PHF20: variants seen among roughly 807,000 people sequenced by gnomAD.
The protein encoded by PHF20 is glioma-expressed antigen 2.
PHF20 carries 23 observed loss-of-function variants against 113.5 expected under a neutral mutation model. The ratio of observed to expected loss-of-function variants is 0.20; its 90% CI spans 0.15 to 0.29. The LOEUF (loss-of-function observed/expected upper bound fraction) is 0.29, where lower values mean the gene tolerates loss of function less well. Ranked by LOEUF, PHF20 falls within the 10% of genes least tolerant of loss-of-function variation. The probability of loss-of-function intolerance (pLI) is 1.00; values close to 1 mark genes in which losing one functional copy is unlikely to be tolerated. For missense variants in PHF20, 943 were observed against 1,219.6 expected, an observed-to-expected ratio of 0.77 and a Z score of 3.38; for synonymous variants, 434 against 457.3, an observed-to-expected ratio of 0.95 and a Z score of 0.65.
intron 2 of PHF20, among the ~76,000 whole-genome samples, chr20:35,828,092 C>T (rs2042295633): frequency 6.6e-6 from 1 of 151,994 alleles, no homozygotes; most frequent in Non-Finnish European, 1.5e-5. Flanking sequence ...GGCATGATCT[C>T]GGCCCACCAC....
At chr20:35,825,782 T>C (rs569010039) in intron 2 of PHF20, among the ~76,000 whole-genome samples, 44 of 152,324 alleles carry the variant, frequency 2.9e-4, no homozygotes, top group African/African-American at 8.9e-4. Context: ...GCCTCCTGTG[T>C]AGTTGGGATT....
chr20:35,911,159 G>A, intron 10 of PHF20, among the ~76,000 whole-genome samples: 1 of 152,114 alleles, frequency 6.6e-6, no homozygotes, highest in East Asian at 1.9e-4. Context: ...TCCTGCCTCA[G>A]CCTCCCCAGT....
intron 6 of PHF20, among the ~76,000 whole-genome samples, chr20:35,868,513 G>A (rs1453707992): frequency 6.6e-6 from 1 of 152,098 alleles, no homozygotes; most frequent in South Asian, 2.1e-4. Flanking sequence ...GGCTGAGGCA[G>A]GACAATCACT....
chr20:35,927,040 A>C (rs1427613454), intron 13 of PHF20, among the ~76,000 whole-genome samples: 1 of 151,816 alleles, frequency 6.6e-6, no homozygotes, highest in Admixed American at 6.6e-5. Flanking sequence ...TCCCAGTGCA[A>C]CCCTCATTGT....
intron 3 of PHF20, among the ~76,000 whole-genome samples, chr20:35,843,433 C>T (rs2042565953): frequency 6.7e-6 from 1 of 149,096 alleles, no homozygotes; most frequent in South Asian, 2.2e-4. Flanking sequence ...GCAGGAGAAT[C>T]GCTTGAACCC....
At chr20:35,813,112 C>T (rs112038348) in intron 2 of PHF20, among the ~76,000 whole-genome samples, 7,283 of 152,064 alleles carry the variant, frequency 0.048, 213 homozygotes, top group African/African-American at 0.089. Flanking sequence ...GGACTACAGG[C>T]GCCCGCCACC....
intron 2 of PHF20, among the ~76,000 whole-genome samples, chr20:35,836,934 G>A (rs1298081498): frequency 2.6e-5 from 4 of 152,066 alleles, no homozygotes; most frequent in Admixed American, 2.6e-4. Context: ...ACTTTCAGAG[G>A]CCAAGGCCAG....
At chr20:35,833,459 G>A (rs993631773) in intron 2 of PHF20, among the ~76,000 whole-genome samples, 1 of 152,034 alleles carries the variant, frequency 6.6e-6, no homozygotes, top group Middle Eastern at 3.2e-3. Flanking sequence ...CCCATACTGG[G>A]GTATGTTTGT....
intron 11 of PHF20, 51 bp from the exon 12 acceptor site, chr20:35,913,982 G>A: frequency 2.6e-6 from 4 of 1,549,528 alleles, no homozygotes; most frequent in Non-Finnish European, 3.6e-6. Flanking sequence ...ATTCTAGAAT[G>A]CACCAGTGTT....
At chr20:35,928,166 C>T (rs938466309) in intron 14 of PHF20, among the ~76,000 whole-genome samples, 5 of 152,134 alleles carry the variant, frequency 3.3e-5, no homozygotes, top group Admixed American at 3.3e-4. Context: ...AGGCCGGGCG[C>T]AGTGGCTCAC....
intron 2 of PHF20, among the ~76,000 whole-genome samples, chr20:35,838,993 C>CAA (rs796705349): frequency 1.6e-4 from 14 of 86,196 alleles, no homozygotes; most frequent in South Asian, 3.7e-4. Context: ...GACCCTGTCT[C>CAA]AAAAAAAAAA....
chr20:35,905,025 G>T (rs934320763), intron 10 of PHF20, among the ~76,000 whole-genome samples: 2 of 151,712 alleles, frequency 1.3e-5, no homozygotes, highest in Non-Finnish European at 2.9e-5. Flanking sequence ...GGGCTTCTCC[G>T]TGTTGGTCAG....
chr20:35,915,869 C>T (rs184702817), intron 12 of PHF20, among the ~76,000 whole-genome samples: 164 of 152,098 alleles, frequency 1.1e-3, no homozygotes, highest in African/African-American at 3.8e-3. Flanking sequence ...GTGCAATGTC[C>T]CACACCTGTA....
intron 1 of PHF20, among the ~76,000 whole-genome samples, chr20:35,784,827 G>C (rs565048239): frequency 1.3e-5 from 2 of 152,182 alleles, no homozygotes; most frequent in Admixed American, 6.5e-5. Flanking sequence ...TAGGTGGGCA[G>C]ATCACTTGAG....
At chr20:35,911,349 C>T (rs2055300359) in intron 10 of PHF20, among the ~76,000 whole-genome samples, 2 of 152,090 alleles carry the variant, frequency 1.3e-5, no homozygotes, top group South Asian at 2.1e-4. Context: ...GCCTGCTGTT[C>T]CTACCTTTAT....
intron 7 of PHF20, among the ~76,000 whole-genome samples, 185 bp from the exon 8 acceptor site, chr20:35,870,770 C>T (rs1159378311): frequency 6.6e-6 from 1 of 152,114 alleles, no homozygotes; most frequent in Non-Finnish European, 1.5e-5. Context: ...TCTATCCTGG[C>T]AGGGACACTT....
At position 35,826,319 on chromosome 20, in the gene PHF20, CA is replaced by C. The variant is rs2042261271; in HGVS notation, c.84-16253del. Among the ~76,000 whole-genome samples, 10 of 152,294 alleles carry C rather than the reference CA, an allele frequency of 6.6e-5. No individual in the cohort carries two copies. In the South Asian group the frequency reaches 2.1e-3, roughly 32 times the overall value. Reference sequence around the variant, plus strand: ...TCGGCCTCCCAAAGTGCTGGGATTACAGGTGTGAGCCACTGCACCTGGCCTA... The same window carrying C: ...TCGGCCTCCCAAAGTGCTGGGATTACGGTGTGAGCCACTGCACCTGGCCTA... On this transcript the variant is annotated intron_variant, in intron 2 of 17. Coordinates refer to ENST00000374012, the MANE Select transcript of PHF20 (RefSeq NM_016436.5).
chr20:35,876,122 T>G (rs913291688), intron 9 of PHF20, among the ~76,000 whole-genome samples: 2 of 152,148 alleles, frequency 1.3e-5, no homozygotes, highest in Admixed American at 1.3e-4. Context: ...TTGCAACTGA[T>G]TGAAGCACTT....
At chr20:35,913,830 CT>C (rs1449279162) in intron 11 of PHF20, among the ~76,000 whole-genome samples, 2 of 152,182 alleles carry the variant, frequency 1.3e-5, no homozygotes, top group Non-Finnish European at 2.9e-5. Context: ...GAAAAACAAT[CT>C]TATCAGAAAA....
Sources: gnomAD v4.1 joint callset for allele counts (sites outside exome capture counted in the v4.1 genomes callset) on GRCh38, gnomAD v4.1.1 for gene constraint, MANE v1.5 for transcripts, NCBI Gene and HGNC (gene_info 2026-07-23, HGNC 2026-07-21) for gene names.